KCNJ6: variants seen among roughly 807,000 people sequenced by gnomAD.
The protein encoded by KCNJ6 is G protein-activated inward rectifier potassium channel 2.
A neutral mutation model predicts 34.2 loss-of-function variants in KCNJ6; 9 were observed. The ratio of observed to expected loss-of-function variants is 0.26; its 90% CI spans 0.16 to 0.46. The LOEUF is 0.46. Ranked by LOEUF, KCNJ6 falls within the 20% of genes least tolerant of loss-of-function variation. The probability of loss-of-function intolerance (pLI) is 1.00; values close to 1 mark genes in which losing one functional copy is unlikely to be tolerated. For synonymous variants in KCNJ6, 196 were observed against 207.1 expected, an observed-to-expected ratio of 0.95 and a Z score of 0.46; for missense variants, 236 against 531.3, an observed-to-expected ratio of 0.44 and a Z score of 5.46.
chr21:37,732,608 AT>A (rs979518622), intron 2 of KCNJ6, among the ~76,000 whole-genome samples: 2 of 152,114 alleles, frequency 1.3e-5, no homozygotes, highest in African/African-American at 4.8e-5. Flanking sequence ...ACCGATTTGG[AT>A]TTGCTTTGAT....
Position 37,734,425 on chromosome 21 carries a change from G to A in KCNJ6, c.26-19294C>T, listed in dbSNP as rs1399657930. On this transcript the variant is annotated intron_variant, in intron 2 of 3. Transcript: ENST00000609713. ...ATAGCGGAGAGAGCACCAGCGAGGAGTTCTTGGATCCAGTGGGCCCCCTCC... is the reference window on the plus strand; with the variant it reads ...ATAGCGGAGAGAGCACCAGCGAGGAATTCTTGGATCCAGTGGGCCCCCTCC... Among the ~76,000 whole-genome samples, 4 of 152,248 alleles carry A rather than the reference G, an allele frequency of 2.6e-5. No individual in the cohort carries two copies. In the East Asian group the frequency reaches 7.7e-4, roughly 29 times the overall value.
intron 3 of KCNJ6, among the ~76,000 whole-genome samples, chr21:37,707,735 G>GTGTGTGTATGTGTGCATGTGTATTC (rs1267356647): frequency 6.7e-5 from 10 of 149,680 alleles, no homozygotes; most frequent in Non-Finnish European, 8.8e-5. Flanking sequence ...GTGTGTGTGT[G>GTGTGTGTATGTGTGCATGTGTATTC]AATAATTTAC....
intron 1 of KCNJ6, among the ~76,000 whole-genome samples, chr21:37,874,077 C>G (rs1344212304): frequency 1.3e-5 from 2 of 152,174 alleles, no homozygotes; most frequent in African/African-American, 4.8e-5. Context: ...CTCCATCTCT[C>G]TTAAACTCAT....
intron 2 of KCNJ6, among the ~76,000 whole-genome samples, chr21:37,836,587 C>T (rs994561455): frequency 1.6e-4 from 24 of 152,144 alleles, no homozygotes; most frequent in Admixed American, 1.5e-3. Context: ...ACGTCCTTTG[C>T]AGGGACATGG....
chr21:37,687,793 G>C (rs1003584355), intron 3 of KCNJ6, among the ~76,000 whole-genome samples: 29 of 152,184 alleles, frequency 1.9e-4, no homozygotes, highest in African/African-American at 7.0e-4. Context: ...ATCGGTCTTA[G>C]ATGCTGGGAT....
At chr21:37,829,299 G>A (rs1040050353) in intron 2 of KCNJ6, among the ~76,000 whole-genome samples, 5 of 152,186 alleles carry the variant, frequency 3.3e-5, no homozygotes, top group Non-Finnish European at 5.9e-5. Context: ...GCGAGCGGAG[G>A]AAGTGTGAGG....
In KCNJ6 at chr21:37,698,307, T is replaced by C. The variant is rs2054673046; in HGVS notation, c.946+15904A>G. The stretch of plus-strand genomic sequence containing the variant: ...CTGCCTGTCCAGGAGAAATGGATGC[T>C]GGCTGCCCTGCTTCTCCAGGCGGGG... On this transcript the variant is annotated intron_variant, in intron 3 of 3. Coordinates refer to ENST00000609713, the MANE Select transcript of KCNJ6 (RefSeq NM_002240.5). Among the ~76,000 whole-genome samples the C allele has an allele frequency of 2.0e-5, 3 of 152,320 alleles. No homozygotes were observed. In the South Asian group the frequency reaches 6.2e-4, roughly 32 times the overall value.
intron 1 of KCNJ6, among the ~76,000 whole-genome samples, chr21:37,861,184 A>G (rs986128470): frequency 1.1e-4 from 17 of 152,196 alleles, no homozygotes; most frequent in African/African-American, 3.6e-4. Flanking sequence ...TGTATTAGTC[A>G]ACTCAGCCTA....
At chr21:37,865,053 T>C (rs997760985) in intron 1 of KCNJ6, among the ~76,000 whole-genome samples, 2 of 152,166 alleles carry the variant, frequency 1.3e-5, no homozygotes, top group Admixed American at 1.3e-4. Flanking sequence ...GAAGCTGGTT[T>C]CCTTATCTTC....
intron 2 of KCNJ6, among the ~76,000 whole-genome samples, chr21:37,840,084 C>G (rs1259630757): frequency 6.6e-6 from 1 of 152,226 alleles, no homozygotes; most frequent in Non-Finnish European, 1.5e-5. Context: ...CAGGCATGAG[C>G]CACTGTGCCC....
intron 3 of KCNJ6, among the ~76,000 whole-genome samples, chr21:37,676,142 G>T (rs763476158): frequency 8.5e-5 from 13 of 152,226 alleles, no homozygotes; most frequent in Non-Finnish European, 1.8e-4. Context: ...CCATGGCGTG[G>T]GGACTGACCT....
At chr21:37,678,623 A>C (rs1225157249) in intron 3 of KCNJ6, among the ~76,000 whole-genome samples, 1 of 152,104 alleles carries the variant, frequency 6.6e-6, no homozygotes, top group African/African-American at 2.4e-5. Flanking sequence ...TGGATTGATG[A>C]ATGTATGGGT....
intron 3 of KCNJ6, among the ~76,000 whole-genome samples, chr21:37,682,980 G>A (rs979635402): frequency 3.9e-5 from 6 of 152,184 alleles, no homozygotes; most frequent in Non-Finnish European, 7.3e-5. Context: ...GTGGGGAACC[G>A]CGCTTCGGCC....
At chr21:37,633,928 C>CAAA (rs56360366) in intron 3 of KCNJ6, among the ~76,000 whole-genome samples, 1 of 149,686 alleles carries the variant, frequency 6.7e-6, no homozygotes, top group African/African-American at 2.4e-5. Flanking sequence ...TTCTTAAAGT[C>CAAA]AAAAAAAAAA....
intron 1 of KCNJ6, among the ~76,000 whole-genome samples, chr21:37,865,476 ACT>A (rs1241451788): frequency 6.6e-6 from 1 of 152,128 alleles, no homozygotes; most frequent in Non-Finnish European, 1.5e-5. Flanking sequence ...CAGGGGCCTG[ACT>A]CTTCTGAGCT....
At chr21:37,838,876 G>A (rs1316113845) in intron 2 of KCNJ6, among the ~76,000 whole-genome samples, 3 of 152,192 alleles carry the variant, frequency 2.0e-5, no homozygotes, top group Non-Finnish European at 2.9e-5. Context: ...TTCCCCTTCA[G>A]TGCTGCTCTA....
At chr21:37,844,293 C>T (rs1455461379) in intron 1 of KCNJ6, among the ~76,000 whole-genome samples, 3 of 152,106 alleles carry the variant, frequency 2.0e-5, no homozygotes, top group East Asian at 3.9e-4. Flanking sequence ...CTGTTGACCT[C>T]GTGATCCGCC....
intron 3 of KCNJ6, among the ~76,000 whole-genome samples, chr21:37,707,620 T>C (rs1174649825): frequency 3.2e-5 from 1 of 31,072 alleles, no homozygotes; most frequent in Admixed American, 3.6e-4. Context: ...GTAATTAATA[T>C]AACAAACAAG....
Position 37,776,824 on chromosome 21 carries a change from C to T in KCNJ6, c.26-61693G>A, listed in dbSNP as rs543723971. 5.8e-3 allele frequency among the ~76,000 whole-genome samples: 887 copies of T among 152,196 alleles called. 5 individuals are homozygous for T. The highest frequency in any genetic ancestry group is 0.013 in the East Asian group (66 of 5,180). ...CTAAAATTCTCTTTTTTTGTTGTGT[C>T]TCTGCCAGGCTTTGGTATCAGGATG... On this transcript the variant is annotated intron_variant, in intron 2 of 3. Coordinates refer to ENST00000609713, the MANE Select transcript of KCNJ6 (RefSeq NM_002240.5).
Sources: gnomAD v4.1 joint callset for allele counts (sites outside exome capture counted in the v4.1 genomes callset) on GRCh38, gnomAD v4.1.1 for gene constraint, MANE v1.5 for transcripts, NCBI Gene and HGNC (gene_info 2026-07-23, HGNC 2026-07-21) for gene names.